Variants in SNX8 observed in about 807,000 individuals in gnomAD.
SNX8 encodes the protein sorting nexin-8.
Under a neutral mutation model 51.6 loss-of-function variants are expected in SNX8, and 25 were observed. The observed-to-expected ratio is 0.48, with a 90% confidence interval of 0.35 to 0.68. SNX8 has a LOEUF of 0.68. Ranked by LOEUF, SNX8 falls within the 30% of genes least tolerant of loss-of-function variation. The pLI, the probability that SNX8 is intolerant of heterozygous loss-of-function variation, is 0.00. For missense variants in SNX8, 695 were observed against 624.0 expected, an observed-to-expected ratio of 1.11 and a Z score of -1.21; for synonymous variants, 324 against 277.0, an observed-to-expected ratio of 1.17 and a Z score of -1.68.
intron 1 of SNX8, among the ~76,000 whole-genome samples, chr7:2,341,982 G>A (rs148524491): frequency 0.019 from 2,909 of 149,870 alleles, 96 homozygotes; most frequent in African/African-American, 0.063. Context: ...AAAATAGGCC[G>A]GGCCCGGTGG....
intron 5 of SNX8, among the ~76,000 whole-genome samples, chr7:2,265,935 G>C (rs1401363464): frequency 6.6e-6 from 1 of 152,066 alleles, no homozygotes; most frequent in East Asian, 1.9e-4. Context: ...AACATAGTGA[G>C]ACTTCATCTA....
intron 1 of SNX8, among the ~76,000 whole-genome samples, chr7:2,304,715 G>A (rs551074251): frequency 1.3e-5 from 2 of 152,278 alleles, no homozygotes; most frequent in African/African-American, 4.8e-5. Context: ...AGCCAAGGAA[G>A]GAAGGCTAAC....
intron 1 of SNX8, among the ~76,000 whole-genome samples, chr7:2,319,771 C>T (rs1356028317): frequency 2.8e-5 from 4 of 144,184 alleles, no homozygotes; most frequent in African/African-American, 5.2e-5. Flanking sequence ...GCTGAGACTG[C>T]ACCACTGCAC....
chr7:2,274,642 C>T (rs1241807209), intron 3 of SNX8, among the ~76,000 whole-genome samples: 1 of 152,258 alleles, frequency 6.6e-6, no homozygotes, highest in Non-Finnish European at 1.5e-5. Context: ...ATGCAGCTGA[C>T]ATTTCCTACT....
At chr7:2,317,443 AATTTTTGT>A (rs951205102), upstream of SNX8, among the ~76,000 whole-genome samples, 7 of 150,904 alleles carry the variant, frequency 4.6e-5, no homozygotes, top group African/African-American at 1.2e-4. Flanking sequence ...ACACCCAGCT[AATTTTTGT>A]ATTTTTGTAG....
At chr7:2,343,109 T>C (rs962461442) in intron 1 of SNX8, among the ~76,000 whole-genome samples, 7 of 151,860 alleles carry the variant, frequency 4.6e-5, no homozygotes, top group African/African-American at 1.7e-4. Context: ...TTTTGTATTT[T>C]TAGTAGAGGT....
chr7:2,286,482 T>C (rs1052917290), intron 1 of SNX8, among the ~76,000 whole-genome samples: 1 of 152,026 alleles, frequency 6.6e-6, no homozygotes, highest in Non-Finnish European at 1.5e-5. Context: ...TTACTTTCCA[T>C]GTGCATAAAG....
At chr7:2,273,593 AAAAC>A (rs1428039653) in intron 3 of SNX8, among the ~76,000 whole-genome samples, 1 of 145,032 alleles carries the variant, frequency 6.9e-6, no homozygotes, top group Non-Finnish European at 1.5e-5. Flanking sequence ...CTCAAAAACA[AAAAC>A]AAAAACAAAA....
chr7:2,309,851 G>A (rs1034989104), intron 1 of SNX8: 1 of 471,164 alleles, frequency 2.1e-6, no homozygotes, highest in Non-Finnish European at 4.4e-6. Flanking sequence ...GGAGCCCAGG[G>A]TGCATGGAAG....
At chr7:2,328,266 A>G (rs968080719) in intron 1 of SNX8, among the ~76,000 whole-genome samples, 2 of 151,840 alleles carry the variant, frequency 1.3e-5, no homozygotes, top group African/African-American at 4.8e-5. Context: ...CTGGCCAGGC[A>G]GGCTAGTCTC....
intron 1 of SNX8, among the ~76,000 whole-genome samples, chr7:2,302,847 G>A (rs1346940035): frequency 2.0e-5 from 3 of 150,480 alleles, no homozygotes; most frequent in Admixed American, 1.3e-4. Flanking sequence ...TCTGAGAAGT[G>A]AGGAGACCCT....
At chr7:2,318,685 G>C (rs1191831482), upstream of SNX8, among the ~76,000 whole-genome samples, 1 of 150,096 alleles carries the variant, frequency 6.7e-6, no homozygotes, top group Non-Finnish European at 1.5e-5. Context: ...AAAACAGGGA[G>C]ACTTTGTCTC....
At chr7:2,265,584 G>T (rs778473155) in intron 5 of SNX8, among the ~76,000 whole-genome samples, 4 of 152,008 alleles carry the variant, frequency 2.6e-5, no homozygotes, top group Non-Finnish European at 5.9e-5. Flanking sequence ...GTTCCATGCT[G>T]CAAGGAGCCA....
At chr7:2,267,836 C>T (rs1388373088) in intron 5 of SNX8, among the ~76,000 whole-genome samples, 4 of 118,636 alleles carry the variant, frequency 3.4e-5, no homozygotes, top group Non-Finnish European at 5.3e-5. Context: ...GGAGCGTCTC[C>T]GCCCGGCCGC....
At chr7:2,332,882 GAAAGAAAGA>G (rs1346701249) in intron 1 of SNX8, among the ~76,000 whole-genome samples, 1 of 150,606 alleles carries the variant, frequency 6.6e-6, no homozygotes, top group Non-Finnish European at 1.5e-5. Context: ...GAAAGAGAAA[GAAAGAAAGA>G]AAAGAAAGAA....
chr7:2,293,577 G>A (rs1435835119), intron 1 of SNX8, among the ~76,000 whole-genome samples: 6 of 150,024 alleles, frequency 4.0e-5, no homozygotes, highest in South Asian at 4.3e-4. Flanking sequence ...CAGGAGAATC[G>A]CTTGAACCCA....
intron 1 of SNX8, among the ~76,000 whole-genome samples, chr7:2,329,550 T>C (rs985875209): frequency 6.6e-6 from 1 of 152,084 alleles, no homozygotes; most frequent in Non-Finnish European, 1.5e-5. Flanking sequence ...CTTCTCCTGG[T>C]CTCCTTTTGC....
rs1366654930 is a variant in SNX8 at position 2,314,427 on chromosome 7, C to G, written c.-6G>C. 3 of 1,213,554 alleles carry G rather than the reference C, an allele frequency of 2.5e-6. No homozygotes were observed. The highest frequency in any genetic ancestry group is 1.6e-5 in the African/African-American group (1 of 63,658). The allele number at this position is 1,213,554 out of a possible 1,614,324, so 75.2% of individuals were successfully genotyped here. A position where few individuals can be genotyped will look rare whatever the true frequency, so the allele number is the denominator to read the frequency against. On this transcript the variant is annotated 5_prime_UTR_variant, in exon 1 of 11. Transcript: ENST00000222990. ...TCCATCGCGCGGCCAGTCATGTGAG[C>G]CCGCGCTCCCACGTGACTTCCTCCC...
At chr7:2,286,489 A>G (rs1796031243) in intron 1 of SNX8, among the ~76,000 whole-genome samples, 1 of 151,876 alleles carries the variant, frequency 6.6e-6, no homozygotes, top group South Asian at 2.1e-4. Flanking sequence ...CCATGTGCAT[A>G]AAGCTGTAAT....
Sources: gnomAD v4.1 joint callset for allele counts (sites outside exome capture counted in the v4.1 genomes callset) on GRCh38, gnomAD v4.1.1 for gene constraint, MANE v1.5 for transcripts, NCBI Gene and HGNC (gene_info 2026-07-23, HGNC 2026-07-21) for gene names.